Variants in TRERF1 observed in about 807,000 individuals in gnomAD.
The protein encoded by TRERF1 is transcriptional regulating factor 1.
Under a neutral mutation model 122.9 loss-of-function variants are expected in TRERF1, and 27 were observed. That is an observed-to-expected ratio of 0.22 (90% CI 0.16 to 0.30). The LOEUF is 0.30. Among genes scored for constraint, TRERF1 ranks in the 10% least tolerant of loss-of-function variants. The pLI is 1.00. For missense variants in TRERF1, 1,248 were observed against 1,560.3 expected (o/e 0.80, Z 3.37); for synonymous variants, 636 against 641.7 (o/e 0.99, Z 0.13).
chr6:42,275,085 G>A lies in TRERF1; in HGVS notation c.-258-5237C>T, dbSNP rs900302884. 2.0e-5 allele frequency among the ~76,000 whole-genome samples: 3 copies of A among 152,214 alleles called. No homozygotes were observed. The highest frequency in any genetic ancestry group is 6.5e-5 in the Admixed American group (1 of 15,286). On this transcript the variant is annotated intron_variant, in intron 4 of 17. Coordinates refer to ENST00000372922, the Ensembl canonical transcript of TRERF1. The surrounding 1 kb of genome is among the most constrained non-coding windows in gnomAD (Gnocchi z 4.1). ...CAGCCCGTCTTATACAGATGGTAGC[G>A]TGCTACGCCGTGGTTTAGCATCTTG...
intron 2 of TRERF1, among the ~76,000 whole-genome samples, chr6:42,431,432 A>G (rs763353148): frequency 3.9e-5 from 6 of 152,234 alleles, no homozygotes; most frequent in Admixed American, 1.3e-4. Context: ...CTGAAGTTCC[A>G]CAGGGTCTGA....
chr6:42,328,287 G>A (rs1293918961), intron 3 of TRERF1, among the ~76,000 whole-genome samples: 1 of 151,856 alleles, frequency 6.6e-6, no homozygotes, highest in African/African-American at 2.4e-5. Flanking sequence ...AAGATTACAG[G>A]TATGAGCCAC....
intron 15 of TRERF1, among the ~76,000 whole-genome samples, chr6:42,239,333 G>A (rs930414412): frequency 2.6e-5 from 4 of 152,074 alleles, no homozygotes; most frequent in African/African-American, 4.8e-5. Context: ...GTCCTGAGTC[G>A]GGGAGCATGA....
rs1346269671 is a variant in TRERF1 at position 42,228,160 on chromosome 6, AC to A, written c.*184del. 6 of 558,962 alleles carry A rather than the reference AC, an allele frequency of 1.1e-5. No individual in the cohort carries two copies. Among genetic ancestry groups the A allele is most frequent in the Non-Finnish European group, 1.5e-5 (5 of 340,668 alleles). The allele number at this position is 558,962 out of a possible 1,614,324, so 34.6% of individuals were successfully genotyped here. A position where few individuals can be genotyped will look rare whatever the true frequency, so the allele number is the denominator to read the frequency against. On this transcript the variant is annotated 3_prime_UTR_variant, in exon 18 of 18. Coordinates refer to ENST00000372922, the Ensembl canonical transcript of TRERF1. This position sits in a 1 kb window ranked among gnomAD's most constrained non-coding sequence, Gnocchi z 4.2. ...CAATTATTTATTCCCCCAACCCCCC[AC>A]AAAAACAAATTTTTTTAAATAAAAG...
Position 42,263,546 on chromosome 6 carries a change from G to A in TRERF1, c.1658C>T (p.Pro553Leu), listed in dbSNP as rs375249295. ...CGGCAGTGGTGGCTGGGGCTGAGGC[G>A]GCAGGACCTTCTCTCCTTCCTCCTA... The change falls in exon 8 of 18, where the codon CCG (proline) becomes CTG (leucine). Residue 553 changes from proline (P) to leucine (L), a missense_variant. Coordinates refer to ENST00000372922, the Ensembl canonical transcript of TRERF1. The surrounding 1 kb of genome is among the most constrained non-coding windows in gnomAD (Gnocchi z 5.6). 4.1e-5 allele frequency: 64 copies of A among 1,544,334 alleles called. No homozygotes were observed. The highest frequency in any genetic ancestry group is 5.3e-5 in the Non-Finnish European group (61 of 1,145,276).
In TRERF1 at chr6:42,259,298, C is replaced by T. The variant is rs1478277559; in HGVS notation, c.2269+41G>A. ...AAACGAGATGTCCCAGGACTTTACC[C>T]AGCACCCAGAGCCCAGGAGGACGCT... On this transcript the variant is annotated intron_variant, in intron 9 of 17. Transcript: ENST00000372922. The surrounding 1 kb of genome is among the most constrained non-coding windows in gnomAD (Gnocchi z 4.9). The T allele has an allele frequency of 1.1e-5, 16 of 1,480,310 alleles. No homozygotes were observed. Among genetic ancestry groups the T allele is most frequent in the Non-Finnish European group, 1.1e-5 (12 of 1,124,442 alleles). The allele number at this position is 1,480,310 out of a possible 1,614,324, so 91.7% of individuals were successfully genotyped here.
chr6:42,374,869 G>A lies in TRERF1; in HGVS notation c.-453-11790C>T, dbSNP rs143047725. On this transcript the variant is annotated intron_variant, in intron 2 of 17. Coordinates refer to ENST00000372922, the Ensembl canonical transcript of TRERF1. ...CTAAAAAAATACAAAAAATTAGCCGGGTGTGGTGGCGTGCACCTGTGGTCC... is the reference window on the plus strand; with the variant it reads ...CTAAAAAAATACAAAAAATTAGCCGAGTGTGGTGGCGTGCACCTGTGGTCC... 4.4e-3 allele frequency among the ~76,000 whole-genome samples: 675 copies of A among 151,748 alleles called. 3 individuals carry two copies. The highest frequency in any genetic ancestry group is 0.016 in the African/African-American group (642 of 41,200).
chr6:42,251,216 G>A (rs62416671), intron 13 of TRERF1, among the ~76,000 whole-genome samples: 3,848 of 151,904 alleles, frequency 0.025, 59 homozygotes, highest in Non-Finnish European at 0.037. Flanking sequence ...GGCTGGTGTC[G>A]AACTCCTGAG....
chr6:42,438,189 TG>T lies in TRERF1; in HGVS notation c.-454+12987del, dbSNP rs1447552666. The stretch of plus-strand genomic sequence containing the variant: ...CACCCACCTTGGCCTCCCAAAGTGC[TG>T]GGATTACAAGAGTGAGCCACCGTGA... On this transcript the variant is annotated intron_variant, in intron 2 of 17. Coordinates refer to ENST00000372922, the Ensembl canonical transcript of TRERF1. 4.6e-5 allele frequency among the ~76,000 whole-genome samples: 7 copies of T among 151,434 alleles called. No homozygotes were observed. The East Asian group carries it at 1.4e-3, about 30-fold the overall frequency.
At chr6:42,351,219 G>A (rs374778913) in intron 3 of TRERF1, among the ~76,000 whole-genome samples, 18 of 152,246 alleles carry the variant, frequency 1.2e-4, no homozygotes, top group East Asian at 1.2e-3. Context: ...ATTTCTGAAG[G>A]GCCATCTGGT....
intron 14 of TRERF1, 118 bp downstream of exon 14, chr6:42,246,338 G>T: frequency 1.2e-6 from 1 of 804,432 alleles, no homozygotes; most frequent in Non-Finnish European, 2.1e-6. Flanking sequence ...TCACCAGCGA[G>T]TGTGGAAGAC....
At position 42,251,916 on chromosome 6, in the gene TRERF1, A is replaced by G. The variant is rs73424304; in HGVS notation, c.2656+2935T>C. Reference sequence around the variant, plus strand: ...CCCCTCTGCAGGAATGACCAGTTCAATGAAAAAAATCAAGCATGCTGCAAT... The same window carrying G: ...CCCCTCTGCAGGAATGACCAGTTCAGTGAAAAAAATCAAGCATGCTGCAAT... On this transcript the variant is annotated intron_variant, in intron 13 of 17. Transcript: ENST00000372922. Among the ~76,000 whole-genome samples, 980 of 152,324 alleles carry G rather than the reference A, an allele frequency of 6.4e-3. 15 individuals are homozygous for G. The highest frequency in any genetic ancestry group is 0.022 in the African/African-American group (928 of 41,560).
intron 3 of TRERF1, among the ~76,000 whole-genome samples, chr6:42,314,779 G>A (rs1432860091): frequency 6.6e-6 from 1 of 152,164 alleles, no homozygotes; most frequent in Non-Finnish European, 1.5e-5. Context: ...AGAGCCCTGT[G>A]GTGGGTACAT....
At chr6:42,406,356 GGAA>G (rs767970798) in intron 2 of TRERF1, among the ~76,000 whole-genome samples, 3 of 152,076 alleles carry the variant, frequency 2.0e-5, no homozygotes, top group Non-Finnish European at 2.9e-5. Flanking sequence ...CTCACTCCAC[GGAA>G]GAAGATGAAC....
At chr6:42,243,387 A>T in intron 14 of TRERF1, 26 bp from the exon 15 acceptor site, 1 of 1,530,510 alleles carries the variant, frequency 6.5e-7, no homozygotes, top group South Asian at 1.1e-5. Flanking sequence ...ACTCAAGGTT[A>T]GCTCCAGCAA....
chr6:42,335,012 GA>G (rs1406997869), intron 3 of TRERF1, among the ~76,000 whole-genome samples: 2 of 152,230 alleles, frequency 1.3e-5, no homozygotes, highest in African/African-American at 2.4e-5. Flanking sequence ...ATTAGCCCTA[GA>G]AATGATCTTG....
intron 14 of TRERF1, among the ~76,000 whole-genome samples, chr6:42,245,919 C>G (rs924782615): frequency 3.9e-5 from 6 of 152,144 alleles, no homozygotes; most frequent in Non-Finnish European, 5.9e-5. Context: ...ACCAGCCTGG[C>G]CAACATGGTA....
At chr6:42,355,847 G>GA (rs542831813) in intron 3 of TRERF1, among the ~76,000 whole-genome samples, 5 of 152,180 alleles carry the variant, frequency 3.3e-5, no homozygotes, top group East Asian at 3.9e-4. Flanking sequence ...AAAGTGTTCA[G>GA]AAAAAAACAC....
At chr6:42,305,368 T>A (rs1042167264) in intron 3 of TRERF1, among the ~76,000 whole-genome samples, 3 of 152,168 alleles carry the variant, frequency 2.0e-5, no homozygotes, top group Non-Finnish European at 4.4e-5. Context: ...AGCCCCACGC[T>A]GCTATCAGAA....
Sources: allele counts gnomAD v4.1 joint callset (sites outside exome capture counted in the v4.1 genomes callset), GRCh38; gene constraint gnomAD v4.1.1; non-coding constraint Gnocchi (gnomAD v3.1); transcripts MANE v1.5; gene names NCBI Gene and HGNC (gene_info 2026-07-23, HGNC 2026-07-21).